The following MAGI2 variants were observed in gnomAD, a reference collection of about 807,000 sequenced individuals.
MAGI2 encodes membrane-associated guanylate kinase, WW and PDZ domain-containing protein 2.
MAGI2 carries 35 observed loss-of-function variants against 133.3 expected under a neutral mutation model. The ratio of observed to expected loss-of-function variants is 0.26; its 90% CI spans 0.20 to 0.35. The LOEUF is 0.35. Ranked by LOEUF, MAGI2 falls within the 10% of genes least tolerant of loss-of-function variation. The probability of loss-of-function intolerance (pLI) is 1.00; values close to 1 mark genes in which losing one functional copy is unlikely to be tolerated. For missense variants in MAGI2, 1,636 were observed against 1,863.4 expected, an observed-to-expected ratio of 0.88 and a Z score of 2.25; for synonymous variants, 729 against 710.6, an observed-to-expected ratio of 1.03 and a Z score of -0.41.
chr7:79,288,288 T>C (rs573911643), intron 1 of MAGI2, among the ~76,000 whole-genome samples: 47 of 152,254 alleles, frequency 3.1e-4, no homozygotes, highest in African/African-American at 1.1e-3. Flanking sequence ...TGCAGGGTTG[T>C]TGGAGGATTA....
chr7:79,180,656 C>A (rs1826533419), intron 1 of MAGI2, among the ~76,000 whole-genome samples: 1 of 151,952 alleles, frequency 6.6e-6, no homozygotes, highest in South Asian at 2.1e-4. Context: ...CTCATGTCCT[C>A]ACATTTCAAA....
At chr7:79,171,822 T>C (rs1473984727) in intron 1 of MAGI2, among the ~76,000 whole-genome samples, 4 of 141,574 alleles carry the variant, frequency 2.8e-5, no homozygotes, top group Admixed American at 7.5e-5. Context: ...CCTAATTTCA[T>C]AGAGTCCCAA....
At chr7:78,405,302 A>T (rs747754776) in intron 6 of MAGI2, among the ~76,000 whole-genome samples, 21 of 152,112 alleles carry the variant, frequency 1.4e-4, no homozygotes, top group South Asian at 8.3e-4. Flanking sequence ...TTTTGGTTCT[A>T]ACAGTCATTT....
At chr7:78,369,630 C>T (rs937544435) in intron 6 of MAGI2, among the ~76,000 whole-genome samples, 1 of 152,058 alleles carries the variant, frequency 6.6e-6, no homozygotes, top group Non-Finnish European at 1.5e-5. Flanking sequence ...CAAATTGTTT[C>T]TGATGACTGA....
chr7:78,960,031 A>C lies in MAGI2; in HGVS notation c.418+47059T>G, dbSNP rs117607316. Among the ~76,000 whole-genome samples the C allele has an allele frequency of 7.0e-3, 1,070 of 152,296 alleles. 8 individuals carry two copies. Among genetic ancestry groups the C allele is most frequent in the Non-Finnish European group, 8.2e-3 (561 of 68,020 alleles). On this transcript the variant is annotated intron_variant, in intron 2 of 21. Coordinates refer to ENST00000354212, the MANE Select transcript of MAGI2 (RefSeq NM_012301.4). ...AAATATTTACTGATAAATACAGGAA[A>C]ATACCTAGAGCAAGGATTCTAAGTA...
chr7:78,849,065 T>G (rs2151477408), intron 2 of MAGI2, among the ~76,000 whole-genome samples: 2 of 152,152 alleles, frequency 1.3e-5, no homozygotes. Flanking sequence ...AATTCCAAAT[T>G]TATTTCACCT....
intron 1 of MAGI2, among the ~76,000 whole-genome samples, chr7:79,226,850 C>T (rs1346024556): frequency 2.0e-5 from 3 of 152,116 alleles, no homozygotes; most frequent in Non-Finnish European, 4.4e-5. Context: ...TGCATCATAG[C>T]TTTGCTTTGA....
At chr7:79,349,091 C>T (rs888509966) in intron 1 of MAGI2, among the ~76,000 whole-genome samples, 1 of 151,968 alleles carries the variant, frequency 6.6e-6, no homozygotes, top group Non-Finnish European at 1.5e-5. Context: ...ATAAAAGAGG[C>T]TATCTTTAAG....
chr7:79,063,318 T>C (rs1343179204), intron 1 of MAGI2, among the ~76,000 whole-genome samples: 1 of 152,144 alleles, frequency 6.6e-6, no homozygotes. Flanking sequence ...GAAAACCTTT[T>C]TTTAAAAAAT....
In MAGI2 at chr7:79,109,963, C is replaced by T. The variant is rs1818781962; in HGVS notation, c.302-102757G>A. 3.9e-5 allele frequency among the ~76,000 whole-genome samples: 6 copies of T among 152,258 alleles called. No homozygotes were observed. The South Asian group carries it at 1.0e-3, about 26-fold the overall frequency. ...CCAAGTCACAACTGCCCTGTGCCAC[C>T]CTAGGAGGTTGCTCCTCACATCCTG... On this transcript the variant is annotated intron_variant, in intron 1 of 21. Transcript: ENST00000354212.
chr7:78,907,271 A>C (rs1361829053), intron 2 of MAGI2, among the ~76,000 whole-genome samples: 3 of 152,210 alleles, frequency 2.0e-5, no homozygotes, highest in African/African-American at 4.8e-5. Flanking sequence ...CAGATTCCTT[A>C]ATACCAGATG....
chr7:78,609,427 A>G (rs903649687), intron 3 of MAGI2, among the ~76,000 whole-genome samples: 3 of 152,258 alleles, frequency 2.0e-5, no homozygotes, highest in Non-Finnish European at 2.9e-5. Context: ...TACAGTTAAC[A>G]AATACTATTA....
chr7:78,320,911 C>A (rs539945504), intron 9 of MAGI2, among the ~76,000 whole-genome samples: 18 of 152,112 alleles, frequency 1.2e-4, no homozygotes, highest in Non-Finnish European at 1.8e-4. Flanking sequence ...AGCTGATAAG[C>A]AACTTCAGCA....
chr7:78,185,874 T>A (rs1380828278), intron 12 of MAGI2, among the ~76,000 whole-genome samples: 2 of 152,210 alleles, frequency 1.3e-5, no homozygotes, highest in Non-Finnish European at 1.5e-5. Context: ...ATGTTTCTTT[T>A]ACATGCATCC....
At chr7:78,735,951 A>G (rs1023754075) in intron 2 of MAGI2, among the ~76,000 whole-genome samples, 1 of 152,230 alleles carries the variant, frequency 6.6e-6, no homozygotes, top group African/African-American at 2.4e-5. Flanking sequence ...TAGGTTCCTT[A>G]TAAACATAAC....
chr7:79,183,259 C>T (rs533399394), intron 1 of MAGI2, among the ~76,000 whole-genome samples: 1 of 151,920 alleles, frequency 6.6e-6, no homozygotes, highest in South Asian at 2.1e-4. Flanking sequence ...TTACAAATTA[C>T]TCTGACTTGA....
At chr7:78,890,557 C>T (rs1319615590) in intron 2 of MAGI2, among the ~76,000 whole-genome samples, 3 of 152,072 alleles carry the variant, frequency 2.0e-5, no homozygotes, top group Non-Finnish European at 4.4e-5. Flanking sequence ...CAAACTAGAA[C>T]TCAGGATTAA....
chr7:78,508,697 C>A (rs146227565), intron 4 of MAGI2, among the ~76,000 whole-genome samples: 1 of 152,062 alleles, frequency 6.6e-6, no homozygotes, highest in Non-Finnish European at 1.5e-5. Flanking sequence ...TATATCAGAT[C>A]TGTGGTTTGA....
At chr7:79,295,718 A>T (rs1836876762) in intron 1 of MAGI2, among the ~76,000 whole-genome samples, 2 of 150,940 alleles carry the variant, frequency 1.3e-5, no homozygotes, top group Admixed American at 1.3e-4. Flanking sequence ...GAAAGCAGGA[A>T]TTTTTTTTTC....
Sources: gnomAD v4.1 joint callset for allele counts (sites outside exome capture counted in the v4.1 genomes callset) on GRCh38, gnomAD v4.1.1 for gene constraint, MANE v1.5 for transcripts, NCBI Gene and HGNC (gene_info 2026-07-23, HGNC 2026-07-21) for gene names.